The following DMTF1 variants were observed in gnomAD, a reference collection of about 807,000 sequenced individuals.
DMTF1 encodes cyclin-D-binding Myb-like transcription factor 1.
A neutral mutation model predicts 91.1 loss-of-function variants in DMTF1; 39 were observed. That is an observed-to-expected ratio of 0.43 (90% confidence interval 0.33 to 0.56). The LOEUF (loss-of-function observed/expected upper bound fraction) is 0.56, where lower values mean the gene tolerates loss of function less well. Ranked by LOEUF, DMTF1 falls within the 20% of genes least tolerant of loss-of-function variation. DMTF1 has a pLI of 0.05. For synonymous variants in DMTF1, 338 were observed against 309.5 expected, an observed-to-expected ratio of 1.09 and a Z score of -0.97; for missense variants, 750 against 914.5, an observed-to-expected ratio of 0.82 and a Z score of 2.32.
chr7:87,160,796 T>G (rs948104291), intron 1 of DMTF1, among the ~76,000 whole-genome samples: 1 of 152,186 alleles, frequency 6.6e-6, no homozygotes. Flanking sequence ...AGTTAATACC[T>G]CTTAGGTTTT....
At chr7:87,175,066 T>G (rs1256965511) in intron 7 of DMTF1, among the ~76,000 whole-genome samples, 1 of 151,606 alleles carries the variant, frequency 6.6e-6, no homozygotes, top group African/African-American at 2.4e-5. Context: ...TTGCCCAGGC[T>G]GGAGTACAGT....
At chr7:87,156,757 CAT>C (rs1226559726) in intron 1 of DMTF1, among the ~76,000 whole-genome samples, 1 of 152,118 alleles carries the variant, frequency 6.6e-6, no homozygotes, top group Non-Finnish European at 1.5e-5. Context: ...TCAAAATAAA[CAT>C]ATCTTAAAAT....
intron 9 of DMTF1, 109 bp downstream of exon 9, chr7:87,181,450 T>C (rs1023508113): frequency 1.8e-6 from 1 of 546,668 alleles, no homozygotes; most frequent in Non-Finnish European, 3.4e-6. Context: ...ATAATTGAAT[T>C]GTGCTATTAA....
intron 7 of DMTF1, among the ~76,000 whole-genome samples, chr7:87,176,368 TAG>T (rs549243964): frequency 2.1e-3 from 317 of 152,322 alleles, no homozygotes; most frequent in African/African-American, 7.3e-3. Flanking sequence ...AAAATGCTAT[TAG>T]TTTAGATAAA....
chr7:87,153,789 T>C (rs1341487304), intron 1 of DMTF1, among the ~76,000 whole-genome samples: 1 of 152,242 alleles, frequency 6.6e-6, no homozygotes, highest in Non-Finnish European at 1.5e-5. Context: ...AAATTATACC[T>C]GTATTTTTAA....
intron 4 of DMTF1, among the ~76,000 whole-genome samples, chr7:87,169,969 C>G (rs1483691465): frequency 1.3e-5 from 2 of 152,156 alleles, no homozygotes; most frequent in Admixed American, 6.5e-5. Context: ...TATTCCAGAC[C>G]AGACTTCTCA....
intron 13 of DMTF1, 54 bp downstream of exon 13, chr7:87,188,355 A>ATGAT: frequency 6.4e-7 from 1 of 1,564,972 alleles, no homozygotes; most frequent in Non-Finnish European, 8.8e-7. Context: ...GATTTGGTTA[A>ATGAT]TGGCTCTGAT....
intron 7 of DMTF1, among the ~76,000 whole-genome samples, chr7:87,176,618 G>C (rs891710845): frequency 1.3e-5 from 2 of 152,056 alleles, no homozygotes; most frequent in African/African-American, 4.8e-5. Flanking sequence ...CCAAGTATCT[G>C]CAAGGATGCC....
At position 87,196,003 on chromosome 7, in the gene DMTF1, C is replaced by T. The variant is rs1801149162; in HGVS notation, c.*863C>T. 1 of 152,112 alleles carries T rather than the reference C, an allele frequency of 6.6e-6. No individual in the cohort carries two copies. Among genetic ancestry groups the T allele is most frequent in the African/African-American group, 2.4e-5 (1 of 41,332 alleles). 9.4% of individuals were successfully genotyped at this position (152,112 alleles called of 1,614,324 possible). ...TAGCTGGTGGGGTACAATATAACCT[C>T]TCATCTCAGGCTATTTTAAAAAAAC... On this transcript the variant is annotated 3_prime_UTR_variant, in exon 18 of 18. Transcript: ENST00000331242.
chr7:87,190,238 CTT>C (rs1288987806), intron 13 of DMTF1, among the ~76,000 whole-genome samples: 6 of 151,962 alleles, frequency 3.9e-5, no homozygotes, highest in East Asian at 1.9e-4. Context: ...ATAATGCTCT[CTT>C]AACATTTATT....
In DMTF1 at chr7:87,179,568, A is replaced by G; in HGVS notation, c.543A>G (p.Thr181=). 4 of 1,546,560 alleles carry G rather than the reference A, an allele frequency of 2.6e-6. No individual in the cohort carries two copies. Among genetic ancestry groups the G allele is most frequent in the South Asian group, 1.3e-5 (1 of 76,584 alleles). ...YLKARGIKDA[T]EIIFEMSKDE... is the part of the protein sequence containing the mutation. ...AGGCACGCGGAATAAAAGATGCTAC[A>G]GAAATCATCTTTGAGATGTCAAAAG... is the stretch of plus-strand genomic sequence containing the variant. Residue 181 remains threonine (T), a synonymous_variant, in exon 8 of 18, where the codon ACA becomes ACG. Coordinates refer to ENST00000331242, the MANE Select transcript of DMTF1 (RefSeq NM_001142327.2).
In DMTF1 at chr7:87,193,964, T is replaced by G. The variant is rs1240188876; in HGVS notation, c.1890T>G (p.Ala630=). The part of the protein sequence containing the change: ...KMTVEPSFND[A]HVSKFSDQNS... ...CTGTGGAGCCATCATTTAATGATGCTCATGTATCCAAATTCAGTGACCAAA... is the reference window on the plus strand; with the variant it reads ...CTGTGGAGCCATCATTTAATGATGCGCATGTATCCAAATTCAGTGACCAAA... The change falls in exon 16 of 18, where the codon GCT becomes GCG. Residue 630 remains alanine, a synonymous_variant. Transcript: ENST00000331242. The G allele has an allele frequency of 5.6e-6, 9 of 1,613,352 alleles. No individual in the cohort carries two copies. The highest frequency in any genetic ancestry group is 6.8e-6 in the Non-Finnish European group (8 of 1,179,610).
intron 6 of DMTF1, 72 bp from the exon 7 acceptor site, chr7:87,174,521 A>T (rs1795829802): frequency 9.7e-7 from 1 of 1,029,934 alleles, no homozygotes; most frequent in Admixed American, 2.1e-5. Flanking sequence ...TTTAATCACA[A>T]AGGAAATCTT....
chr7:87,155,574 CGTTT>C (rs1790468792), intron 1 of DMTF1: 1 of 151,980 alleles, frequency 6.6e-6, no homozygotes, highest in Non-Finnish European at 1.5e-5. Context: ...ATGTATGTGG[CGTTT>C]GTTTACTTTC....
intron 4 of DMTF1, among the ~76,000 whole-genome samples, chr7:87,168,491 C>T (rs561009134): frequency 6.6e-6 from 1 of 152,236 alleles, no homozygotes; most frequent in Admixed American, 6.5e-5. Flanking sequence ...CCTCACTGGG[C>T]CCCATTGATC....
chr7:87,169,367 G>A (rs1302615704), intron 4 of DMTF1, among the ~76,000 whole-genome samples: 1 of 152,160 alleles, frequency 6.6e-6, no homozygotes, highest in East Asian at 1.9e-4. Flanking sequence ...GCTGAGGTGG[G>A]AGAATTGCTT....
At chr7:87,174,323 T>G (rs765153527) in intron 6 of DMTF1, among the ~76,000 whole-genome samples, 2 of 147,738 alleles carry the variant, frequency 1.4e-5, no homozygotes, top group African/African-American at 2.5e-5. Flanking sequence ...AGCTGTTCTA[T>G]ATTGTTGAAA....
chr7:87,189,563 A>G (rs917745112), intron 13 of DMTF1, among the ~76,000 whole-genome samples: 1 of 152,162 alleles, frequency 6.6e-6, no homozygotes, highest in Non-Finnish European at 1.5e-5. Context: ...ATCATTTTAA[A>G]TAGTATTTAG....
chr7:87,194,724 CAATT>C lies in DMTF1; in HGVS notation c.2070_2073del (p.Ile691MetfsTer21), dbSNP rs1368825401. On this transcript the variant is annotated frameshift_variant, in exon 17 of 18. Coordinates refer to ENST00000331242, the MANE Select transcript of DMTF1 (RefSeq NM_001142327.2). LOFTEE classifies it high-confidence loss of function. ...ACTATAGAAGAACAAGTTGATCAAA[CAATT>C]GATGATGAAACAATACTTATCGTTC... 1 of 1,610,218 alleles carries C rather than the reference CAATT, an allele frequency of 6.2e-7. No homozygotes were observed. The highest frequency in any genetic ancestry group is 8.5e-7 in the Non-Finnish European group (1 of 1,177,474).
Sources: allele counts gnomAD v4.1 joint callset (sites outside exome capture counted in the v4.1 genomes callset), GRCh38; gene constraint gnomAD v4.1.1; transcripts MANE v1.5; gene names NCBI Gene and HGNC (gene_info 2026-07-23, HGNC 2026-07-21).